Variants in PHLDB2 observed in about 807,000 individuals in gnomAD.
PHLDB2 encodes pleckstrin homology like domain family B member 2.
A neutral mutation model predicts 123.6 loss-of-function variants in PHLDB2; 71 were observed. That is an observed-to-expected ratio of 0.57 (90% confidence interval 0.47 to 0.70). The LOEUF is 0.70. Ranked by LOEUF, PHLDB2 falls within the 30% of genes least tolerant of loss-of-function variation. The probability of loss-of-function intolerance (pLI) is 0.00; values close to 1 mark genes in which losing one functional copy is unlikely to be tolerated. For missense variants in PHLDB2, 1,446 were observed against 1,519.5 expected (o/e 0.95, Z 0.80); for synonymous variants, 547 against 541.6 (o/e 1.01, Z -0.14).
chr3:111,845,386 C>A (rs1415287929), intron 1 of PHLDB2, among the ~76,000 whole-genome samples: 47 of 73,658 alleles, frequency 6.4e-4, no homozygotes, highest in African/African-American at 8.5e-4. Context: ...AAAAAAAAAA[C>A]TATGGGATTT....
chr3:111,958,825 T>C (rs910201086), intron 12 of PHLDB2: 5 of 430,086 alleles, frequency 1.2e-5, no homozygotes, highest in Admixed American at 5.5e-5. Context: ...AAGTCTCATT[T>C]TTCCCAATCT....
chr3:111,816,717 A>T (rs952998370), intron 1 of PHLDB2, among the ~76,000 whole-genome samples: 4 of 152,040 alleles, frequency 2.6e-5, no homozygotes, highest in African/African-American at 9.7e-5. Flanking sequence ...ATGAGTTAAG[A>T]CTTTGGGGGA....
chr3:111,789,637 C>T (rs1005077523), intron 1 of PHLDB2, among the ~76,000 whole-genome samples: 19 of 152,056 alleles, frequency 1.2e-4, no homozygotes, highest in African/African-American at 4.6e-4. Flanking sequence ...ATTTTCTCAC[C>T]TGTAAAATAG....
chr3:111,830,808 C>CAAAAA (rs11475835), intron 1 of PHLDB2, among the ~76,000 whole-genome samples: 962 of 53,338 alleles, frequency 0.018, 94 homozygotes, highest in East Asian at 0.086. Flanking sequence ...GACTCCGTCT[C>CAAAAA]AAAAAAAAAA....
intron 1 of PHLDB2, among the ~76,000 whole-genome samples, chr3:111,757,543 T>C (rs2059915741): frequency 6.6e-6 from 1 of 152,182 alleles, no homozygotes; most frequent in South Asian, 2.1e-4. Flanking sequence ...TCGGAGTAGT[T>C]TGATCGTCTG....
At chr3:111,814,609 C>A (rs2061987111) in intron 1 of PHLDB2, among the ~76,000 whole-genome samples, 1 of 148,820 alleles carries the variant, frequency 6.7e-6, no homozygotes, top group African/African-American at 2.5e-5. Context: ...AACAGAATAC[C>A]TGAAATGAAG....
intron 1 of PHLDB2, among the ~76,000 whole-genome samples, chr3:111,739,588 C>A (rs6787907): frequency 0.51 from 45,860 of 90,110 alleles, 10,472 homozygotes; most frequent in Middle Eastern, 0.65. Context: ...AAAAAAAAAA[C>A]AAAACAAACA....
At chr3:111,971,646 C>T (rs573256179) in intron 16 of PHLDB2, among the ~76,000 whole-genome samples, 86 of 152,294 alleles carry the variant, frequency 5.6e-4, no homozygotes, top group African/African-American at 1.9e-3. Context: ...TACCCCCACC[C>T]CTGCTTCTCA....
chr3:111,834,134 T>TATATGTAATAGAATTA (rs1559857968), intron 1 of PHLDB2, among the ~76,000 whole-genome samples: 2 of 21,710 alleles, frequency 9.2e-5, no homozygotes, highest in African/African-American at 1.4e-4. Flanking sequence ...TATATATATA[T>TATATGTAATAGAATTA]TATATGTAAT....
chr3:111,895,702 A>G (rs1306938449), intron 2 of PHLDB2, among the ~76,000 whole-genome samples: 1 of 152,060 alleles, frequency 6.6e-6, no homozygotes, highest in Non-Finnish European at 1.5e-5. Context: ...ATACAAAATT[A>G]GCCAGGCGTG....
chr3:111,962,330 G>A lies in PHLDB2; in HGVS notation c.3077+18G>A. ...ATCTCTAGGTAAGATTTATTTATGGGTAAGGTTTCTGGTTTGGAAAAGAGC... is the reference window on the plus strand; with the variant it reads ...ATCTCTAGGTAAGATTTATTTATGGATAAGGTTTCTGGTTTGGAAAAGAGC... On this transcript the variant is annotated intron_variant, in intron 13 of 17. Coordinates refer to ENST00000431670, the MANE Select transcript of PHLDB2 (RefSeq NM_001134438.2). 1.3e-6 allele frequency: 2 copies of A among 1,589,638 alleles called. No homozygotes were observed. The highest frequency in any genetic ancestry group is 1.9e-5 in the Admixed American group (1 of 52,938).
chr3:111,908,689 G>C (rs1458899905), intron 2 of PHLDB2, among the ~76,000 whole-genome samples: 1 of 152,172 alleles, frequency 6.6e-6, no homozygotes, highest in Admixed American at 6.5e-5. Context: ...ATCTTACCCT[G>C]TGTCCAGAAA....
At chr3:111,823,122 T>C (rs1284392642) in intron 1 of PHLDB2, among the ~76,000 whole-genome samples, 2 of 152,188 alleles carry the variant, frequency 1.3e-5, no homozygotes, top group East Asian at 3.9e-4. Context: ...TTCCAAGTGG[T>C]TGCAAGCCAG....
chr3:111,803,424 G>A (rs1183080172), intron 1 of PHLDB2, among the ~76,000 whole-genome samples: 1 of 152,152 alleles, frequency 6.6e-6, no homozygotes, highest in South Asian at 2.1e-4. Flanking sequence ...CCGGGAGAAT[G>A]TGCCCCCACC....
intron 1 of PHLDB2, chr3:111,859,967 T>G: frequency 1.1e-6 from 1 of 923,778 alleles, no homozygotes; most frequent in Non-Finnish European, 1.3e-6. Flanking sequence ...GTGCCCAGGC[T>G]GCGCAGCTGG....
intron 2 of PHLDB2, among the ~76,000 whole-genome samples, chr3:111,908,423 C>CTT (rs1241934757): frequency 6.6e-6 from 1 of 152,146 alleles, no homozygotes; most frequent in Non-Finnish European, 1.5e-5. Context: ...AACTCCAAGT[C>CTT]TTAAATACAG....
In PHLDB2 at chr3:111,732,830, GA is replaced by G; in HGVS notation, c.-49+129del. ...ATATGGTAGACCCGGGTGTGTGTCT[GA>G]ATTCAGTCATTTTTCTATCAGCCTG... On this transcript the variant is annotated intron_variant, in intron 1 of 17. Coordinates refer to the PHLDB2 transcript ENST00000393923. The G allele has an allele frequency of 4.3e-6, 3 of 696,492 alleles. No homozygotes were observed. The South Asian group carries it at 6.7e-5, about 16-fold the overall frequency. The allele number at this position is 696,492 out of a possible 1,614,324, so 43.1% of individuals were successfully genotyped here. A position where few individuals can be genotyped will look rare whatever the true frequency, so the allele number is the denominator to read the frequency against.
At position 111,964,735 on chromosome 3, in the gene PHLDB2, A is replaced by G. The variant is rs918411913; in HGVS notation, c.3078-1878A>G. On this transcript the variant is annotated intron_variant, in intron 13 of 17. Coordinates refer to ENST00000431670, the MANE Select transcript of PHLDB2 (RefSeq NM_001134438.2). ...CAAATTTAATTTGTCAAGTATATGT[A>G]TGCTCAATAAATCTCATGGTGGGGG... 3.9e-5 allele frequency among the ~76,000 whole-genome samples: 6 copies of G among 152,198 alleles called. No homozygotes were observed. In the East Asian group the frequency reaches 1.2e-3, roughly 29 times the overall value.
At chr3:111,851,421 T>C (rs1334087980) in intron 2 of PHLDB2, among the ~76,000 whole-genome samples, 1 of 152,066 alleles carries the variant, frequency 6.6e-6, no homozygotes, top group East Asian at 1.9e-4. Flanking sequence ...GTGAGCATTT[T>C]AGGATCTGTG....
Sources: allele counts gnomAD v4.1 joint callset (sites outside exome capture counted in the v4.1 genomes callset), GRCh38; gene constraint gnomAD v4.1.1; transcripts MANE v1.5; gene names NCBI Gene and HGNC (gene_info 2026-07-23, HGNC 2026-07-21).